Variants in NME7 observed in about 807,000 individuals in gnomAD.
The protein encoded by NME7 is NME/NM23 family member 7, also known as nucleoside diphosphate kinase 7.
In NME7, 41 loss-of-function variants were observed where a neutral mutation model predicts 49.1. That is an observed-to-expected ratio of 0.83 (90% CI 0.65 to 1.08). The LOEUF is 1.08. NME7 is among the 50% of genes least tolerant of loss of function. The pLI is 0.00. For missense variants in NME7, 423 were observed against 463.4 expected, an observed-to-expected ratio of 0.91 and a Z score of 0.80; for synonymous variants, 139 against 150.6, an observed-to-expected ratio of 0.92 and a Z score of 0.56.
chr1:169,210,528 G>T (rs755164533), intron 10 of NME7, among the ~76,000 whole-genome samples: 22 of 151,970 alleles, frequency 1.4e-4, no homozygotes, highest in Non-Finnish European at 2.5e-4. Context: ...TAAGTTTGTT[G>T]TTTAGATAGT....
intron 4 of NME7, among the ~76,000 whole-genome samples, chr1:169,309,628 C>A (rs1023755862): frequency 6.6e-6 from 1 of 152,130 alleles, no homozygotes; most frequent in African/African-American, 2.4e-5. Context: ...TTTATTTTAA[C>A]CCCCTCACCC....
intron 11 of NME7, among the ~76,000 whole-genome samples, chr1:169,138,421 A>G (rs960331463): frequency 6.7e-6 from 1 of 149,588 alleles, no homozygotes; most frequent in Non-Finnish European, 1.5e-5. Flanking sequence ...TCTTTTAAAA[A>G]CCTCAAGGCC....
At chr1:169,332,267 T>A (rs906995460) in intron 1 of NME7, among the ~76,000 whole-genome samples, 2 of 152,122 alleles carry the variant, frequency 1.3e-5, no homozygotes, top group Non-Finnish European at 2.9e-5. Flanking sequence ...GATGTCTATA[T>A]GCAGAAGAAT....
chr1:169,250,514 T>C (rs1442617645), intron 7 of NME7, among the ~76,000 whole-genome samples: 1 of 152,084 alleles, frequency 6.6e-6, no homozygotes, highest in Non-Finnish European at 1.5e-5. Context: ...TTTCTTCTGC[T>C]AGCTTTGGGT....
intron 10 of NME7, among the ~76,000 whole-genome samples, chr1:169,225,229 C>T (rs1647280382): frequency 6.6e-6 from 1 of 152,178 alleles, no homozygotes. Context: ...CTGCCTCTGC[C>T]TCCTGAGTAG....
chr1:169,186,453 G>A (rs1329111341), intron 10 of NME7, among the ~76,000 whole-genome samples: 3 of 152,236 alleles, frequency 2.0e-5, no homozygotes, highest in Non-Finnish European at 2.9e-5. Flanking sequence ...CTTGTTATTG[G>A]TCTATTCAGG....
chr1:169,297,463 T>C lies in NME7; in HGVS notation c.648+1093A>G, dbSNP rs1437041196. 2.0e-5 allele frequency among the ~76,000 whole-genome samples: 3 copies of C among 152,204 alleles called. No homozygotes were observed. The East Asian group carries it at 5.8e-4, about 29-fold the overall frequency. ...CTCTGTAACCTCATCACCCTCTTCC[T>C]CCCTCTCTCATTCCTATCCAACCAC... On this transcript the variant is annotated intron_variant, in intron 6 of 11. Coordinates refer to ENST00000367811, the MANE Select transcript of NME7 (RefSeq NM_013330.5).
intron 11 of NME7, among the ~76,000 whole-genome samples, chr1:169,145,747 C>T (rs755010023): frequency 6.6e-6 from 1 of 151,946 alleles, no homozygotes; most frequent in East Asian, 1.9e-4. Context: ...TATGTTGACC[C>T]GAATTTAAAA....
rs888824956 is a variant in NME7 at position 169,257,843 on chromosome 1, G to T, written c.755-20156C>A. 3.0e-5 allele frequency among the ~76,000 whole-genome samples: 4 copies of T among 133,396 alleles called. 1 individual carries two copies. Among genetic ancestry groups the T allele is most frequent in the African/African-American group, 1.0e-4 (4 of 39,448 alleles). 87.5% of individuals were successfully genotyped at this position (133,396 alleles called of 152,430 possible). A position where few individuals can be genotyped will look rare whatever the true frequency, so the allele number is the denominator to read the frequency against. ...CTTGACTGACAGTTATTCTCTTTAAGAAGGCTAAAGATAAAACTCCAATCC... is the reference window on the plus strand; with the variant it reads ...CTTGACTGACAGTTATTCTCTTTAATAAGGCTAAAGATAAAACTCCAATCC... On this transcript the variant is annotated intron_variant, in intron 7 of 11. Transcript: ENST00000367811.
intron 1 of NME7, among the ~76,000 whole-genome samples, chr1:169,344,415 A>G (rs953517926): frequency 1.3e-5 from 2 of 152,110 alleles, no homozygotes; most frequent in African/African-American, 4.8e-5. Context: ...CTTCCATTCC[A>G]GTGTTGTATA....
chr1:169,275,404 G>A (rs1315640094), intron 7 of NME7, among the ~76,000 whole-genome samples: 8 of 122,646 alleles, frequency 6.5e-5, no homozygotes, highest in Admixed American at 5.7e-4. Context: ...GCGTGAACCC[G>A]GGAGGCGGAG....
Position 169,270,348 on chromosome 1 carries a change from C to T in NME7, c.754+16955G>A, listed in dbSNP as rs112898901. 6.8e-3 allele frequency among the ~76,000 whole-genome samples: 910 copies of T among 133,830 alleles called. 104 individuals carry two copies. The highest frequency in any genetic ancestry group is 0.022 in the African/African-American group (870 of 39,662). 87.8% of individuals were successfully genotyped at this position (133,830 alleles called of 152,430 possible). ...AAAGCCACTCTCCCAGATTTGGCTA[C>T]CTCCTCTTGCCCAGTGTCAACCATA... On this transcript the variant is annotated intron_variant, in intron 7 of 11. Transcript: ENST00000367811.
At chr1:169,213,250 A>G (rs1660882788) in intron 10 of NME7, among the ~76,000 whole-genome samples, 1 of 152,160 alleles carries the variant, frequency 6.6e-6, no homozygotes, top group African/African-American at 2.4e-5. Flanking sequence ...CCACAGGCTC[A>G]CAGGAACCTA....
At chr1:169,230,843 T>C in intron 9 of NME7, 24 bp from the exon 10 acceptor site, 1 of 1,468,324 alleles carries the variant, frequency 6.8e-7, no homozygotes, top group Non-Finnish European at 9.2e-7. Flanking sequence ...TATAAAAGAA[T>C]GAAAAGAATT....
At chr1:169,360,981 A>AT (rs1282753372) in intron 1 of NME7, among the ~76,000 whole-genome samples, 1 of 151,972 alleles carries the variant, frequency 6.6e-6, no homozygotes, top group African/African-American at 2.4e-5. Flanking sequence ...TCACCTTGTC[A>AT]TTTTTCTTTT....
At chr1:169,243,988 T>C (rs1648198597) in intron 7 of NME7, among the ~76,000 whole-genome samples, 1 of 151,958 alleles carries the variant, frequency 6.6e-6, no homozygotes. Flanking sequence ...ATAAAATAAA[T>C]AATCAAAATA....
At chr1:169,231,478 T>C (rs893461133) in intron 9 of NME7, among the ~76,000 whole-genome samples, 1 of 152,170 alleles carries the variant, frequency 6.6e-6, no homozygotes, top group Non-Finnish European at 1.5e-5. Context: ...GGGAGGCCAA[T>C]GTAGCCTTAT....
intron 7 of NME7, chr1:169,246,938 C>T (rs539677878): frequency 1.8e-5 from 8 of 434,508 alleles, no homozygotes; most frequent in Non-Finnish European, 3.2e-5. Flanking sequence ...TACTGAAATT[C>T]ATCAAGATGC....
intron 11 of NME7, 126 bp from the exon 12 acceptor site, chr1:169,132,943 A>AATC (rs1658284483): frequency 4.1e-6 from 2 of 482,878 alleles, no homozygotes; most frequent in South Asian, 6.7e-5. Flanking sequence ...ACTAAAAGTT[A>AATC]ATCAATCAAT....
Sources: gnomAD v4.1 joint callset for allele counts (sites outside exome capture counted in the v4.1 genomes callset) on GRCh38, gnomAD v4.1.1 for gene constraint, MANE v1.5 for transcripts, NCBI Gene and HGNC (gene_info 2026-07-23, HGNC 2026-07-21) for gene names.